XRCC5: variants seen among roughly 807,000 people sequenced by gnomAD.
XRCC5 encodes the protein X-ray repair cross complementing 5.
A neutral mutation model predicts 95.7 loss-of-function variants in XRCC5; 12 were observed. The observed-to-expected ratio is 0.13, with a 90% CI of 0.08 to 0.20. The LOEUF (loss-of-function observed/expected upper bound fraction) is 0.20, where lower values mean the gene tolerates loss of function less well. Ranked by LOEUF, XRCC5 falls within the 10% of genes least tolerant of loss-of-function variation. The probability of loss-of-function intolerance (pLI) is 1.00; values close to 1 mark genes in which losing one functional copy is unlikely to be tolerated. For missense variants in XRCC5, 595 were observed against 873.9 expected (o/e 0.68, Z 4.02); for synonymous variants, 281 against 290.3 (o/e 0.97, Z 0.33).
At position 216,119,150 on chromosome 2, in the gene XRCC5, T is replaced by C. The variant is rs1696754612; in HGVS notation, c.476T>C (p.Ile159Thr). 1 of 1,613,930 alleles carries C rather than the reference T, an allele frequency of 6.2e-7. No individual in the cohort carries two copies. The highest frequency in any genetic ancestry group is 8.5e-7 in the Non-Finnish European group (1 of 1,179,964). ...ATTCATAGCTTGAAGAAATGTGACA[T>C]CTCCCTGCAATTCTTGTAAGATCCT... Reference protein sequence around the residue: ...IIIHSLKKCDISLQFFLPFSL... With the variant: ...IIIHSLKKCDTSLQFFLPFSL... The change falls in exon 5 of 21, where the codon ATC (isoleucine) becomes ACC (threonine). Residue 159 changes from isoleucine (I) to threonine (T), a missense_variant. Coordinates refer to ENST00000392132, the MANE Select transcript of XRCC5 (RefSeq NM_021141.4).
rs1696616850 is a variant in XRCC5, at chr2:216,113,060, C to T, written c.66C>T (p.Asn22=). ...TGGACGTGGGCTTTACCATGAGTAA[C>T]TCCATTCCTGGTATAGAATCCCCAT... is the stretch of plus-strand genomic sequence containing the variant. The part of the protein sequence containing the change: ...LCMDVGFTMS[N]SIPGIESPFE... Residue 22 remains asparagine, a synonymous_variant, in exon 2 of 21, where the codon AAC becomes AAT. Coordinates refer to ENST00000392132, the MANE Select transcript of XRCC5 (RefSeq NM_021141.4). 1.2e-6 allele frequency: 2 copies of T among 1,614,042 alleles called. No homozygotes were observed. The highest frequency in any genetic ancestry group is 3.3e-5 in the Admixed American group (2 of 59,998).
intron 7 of XRCC5, among the ~76,000 whole-genome samples, chr2:216,126,440 T>G (rs1696901238): frequency 1.3e-5 from 2 of 152,242 alleles, no homozygotes; most frequent in African/African-American, 4.8e-5. Context: ...ATGAATGATC[T>G]GATAGTAACA....
intron 16 of XRCC5, among the ~76,000 whole-genome samples, chr2:216,176,382 G>A (rs1266753560): frequency 6.6e-6 from 1 of 152,194 alleles, no homozygotes; most frequent in Non-Finnish European, 1.5e-5. Context: ...GCCTCCCAAA[G>A]TGCTGGGATT....
At chr2:216,121,501 T>C (rs1191461221) in intron 5 of XRCC5, among the ~76,000 whole-genome samples, 2 of 152,192 alleles carry the variant, frequency 1.3e-5, no homozygotes, top group Non-Finnish European at 2.9e-5. Context: ...AACACTGTTC[T>C]CACGTGGTGG....
intron 10 of XRCC5, among the ~76,000 whole-genome samples, chr2:216,136,339 A>G (rs1326989521): frequency 6.8e-6 from 1 of 146,490 alleles, no homozygotes; most frequent in Non-Finnish European, 1.5e-5. Context: ...CTGGGCAACA[A>G]GAGCGAAACT....
rs867088389 is a variant in XRCC5, at chr2:216,130,784, C to T, written c.938-91C>T. On this transcript the variant is annotated intron_variant, in intron 8 of 20. Coordinates refer to ENST00000392132, the MANE Select transcript of XRCC5 (RefSeq NM_021141.4). Reference sequence around the variant, plus strand: ...AGATGGAGGCTTGCTCTGGCGTGTGCGTGTGTTGTTAATGTATGCATGGAA... The same window carrying T: ...AGATGGAGGCTTGCTCTGGCGTGTGTGTGTGTTGTTAATGTATGCATGGAA... The T allele has an allele frequency of 1.7e-4, 128 of 732,500 alleles. No individual in the cohort carries two copies. The Middle Eastern group carries it at 5.0e-3, about 29-fold the overall frequency. 45.4% of individuals were successfully genotyped at this position (732,500 alleles called of 1,614,324 possible).
At chr2:216,112,903 C>G (rs747250874) in intron 1 of XRCC5, 113 bp from the exon 2 acceptor site, 8 of 798,482 alleles carry the variant, frequency 1.0e-5, no homozygotes, top group Non-Finnish European at 1.6e-5. Flanking sequence ...ATCCCTTTTT[C>G]ACACCTTTCC....
At chr2:216,132,778 T>C (rs374881148) in intron 10 of XRCC5, among the ~76,000 whole-genome samples, 17 of 152,170 alleles carry the variant, frequency 1.1e-4, no homozygotes, top group Non-Finnish European at 5.9e-5. Flanking sequence ...TCCTCTCTCT[T>C]GGTACTCTTC....
intron 16 of XRCC5, among the ~76,000 whole-genome samples, chr2:216,173,525 A>C (rs1403138943): frequency 1.3e-5 from 2 of 152,234 alleles, no homozygotes; most frequent in East Asian, 3.8e-4. Flanking sequence ...TAGTTGTTAA[A>C]TCAACCTTGC....
intron 10 of XRCC5, among the ~76,000 whole-genome samples, chr2:216,133,064 G>A (rs922147502): frequency 6.6e-6 from 1 of 152,194 alleles, no homozygotes; most frequent in Non-Finnish European, 1.5e-5. Flanking sequence ...GGGTAGGGTG[G>A]TGGTATAACT....
At chr2:216,159,932 T>G in intron 14 of XRCC5, 136 bp from the exon 15 acceptor site, 1 of 563,836 alleles carries the variant, frequency 1.8e-6, no homozygotes, top group Non-Finnish European at 3.0e-6. Flanking sequence ...TTTTCTTTTC[T>G]TTTTCTTCTT....
chr2:216,171,487 T>C (rs1257164348), intron 16 of XRCC5, among the ~76,000 whole-genome samples: 2 of 152,230 alleles, frequency 1.3e-5, no homozygotes, highest in Non-Finnish European at 2.9e-5. Flanking sequence ...GTTTTAGAGG[T>C]TGGAGAAAAA....
intron 2 of XRCC5, among the ~76,000 whole-genome samples, chr2:216,115,241 TA>T (rs1468965749): frequency 1.3e-5 from 2 of 152,232 alleles, no homozygotes; most frequent in African/African-American, 4.8e-5. Flanking sequence ...TTTCTCTGGA[TA>T]ACTGCCGACT....
At chr2:216,146,888 C>T (rs1181077206) in intron 13 of XRCC5, among the ~76,000 whole-genome samples, 1 of 152,182 alleles carries the variant, frequency 6.6e-6, no homozygotes, top group African/African-American at 2.4e-5. Flanking sequence ...CAGCTGTTAT[C>T]GGCCAGGTGC....
At chr2:216,179,779 T>A (rs1689348218) in intron 16 of XRCC5, among the ~76,000 whole-genome samples, 1 of 152,192 alleles carries the variant, frequency 6.6e-6, no homozygotes, top group Non-Finnish European at 1.5e-5. Context: ...GACCTTTTGC[T>A]TTTCTCTGAG....
At chr2:216,136,974 C>G in intron 10 of XRCC5, 114 bp from the exon 11 acceptor site, 1 of 1,288,846 alleles carries the variant, frequency 7.8e-7, no homozygotes, top group Non-Finnish European at 1.0e-6. Flanking sequence ...AGTCAGGGGG[C>G]ACCCTAAAAA....
intron 6 of XRCC5, among the ~76,000 whole-genome samples, chr2:216,123,944 A>G (rs946150600): frequency 1.6e-4 from 25 of 152,230 alleles, no homozygotes; most frequent in African/African-American, 5.8e-4. Context: ...CGCTACTTTG[A>G]TTTTAGGTCT....
rs1392635484 is a variant in XRCC5, at chr2:216,141,542, T to TTTC, written c.1476+225_1476+226insCTT. ...AGTTGGAATGCTTTCTTTCTTTTCT[T>TTTC]TTTTTTTTTTTTTTTTTTTTTTTTC... On this transcript the variant is annotated intron_variant, in intron 13 of 20. Coordinates refer to ENST00000392132, the MANE Select transcript of XRCC5 (RefSeq NM_021141.4). Among the ~76,000 whole-genome samples, 185 of 61,826 alleles carry TTTC rather than the reference T, an allele frequency of 3.0e-3. 2 individuals are homozygous for TTTC. The highest frequency in any genetic ancestry group is 0.011 in the African/African-American group (172 of 16,054). The allele number at this position is 61,826 out of a possible 152,430, so 40.6% of individuals were successfully genotyped here.
chr2:216,166,523 A>G (rs937966462), intron 16 of XRCC5, among the ~76,000 whole-genome samples: 8 of 152,206 alleles, frequency 5.3e-5, no homozygotes, highest in Admixed American at 4.6e-4. Context: ...CATCATTGCC[A>G]TCATCTGGGA....
Sources: gnomAD v4.1 joint callset for allele counts (sites outside exome capture counted in the v4.1 genomes callset) on GRCh38, gnomAD v4.1.1 for gene constraint, MANE v1.5 for transcripts, NCBI Gene and HGNC (gene_info 2026-07-23, HGNC 2026-07-21) for gene names.